Variants in ELFN1 observed in about 807,000 individuals in gnomAD.
ELFN1 encodes the protein protein ELFN1.
A neutral mutation model predicts 7.6 loss-of-function variants in ELFN1; 6 were observed. That is an observed-to-expected ratio of 0.79 (90% CI 0.43 to 1.56). The LOEUF (loss-of-function observed/expected upper bound fraction) is 1.56, where lower values mean the gene tolerates loss of function less well. Ranked by LOEUF, ELFN1 falls within the 40% of genes most tolerant of loss-of-function variation. The pLI, the probability that ELFN1 is intolerant of heterozygous loss-of-function variation, is 0.01. For missense variants in ELFN1, 1,169 were observed against 1,232.2 expected (o/e 0.95, Z 0.77); for synonymous variants, 657 against 588.1 (o/e 1.12, Z -1.70).
chr7:1,708,752 A>ACTGGGCC (rs1396283610), intron 2 of ELFN1, among the ~76,000 whole-genome samples: 5 of 151,940 alleles, frequency 3.3e-5, no homozygotes, highest in African/African-American at 7.3e-5. Flanking sequence ...CTTTACCCCA[A>ACTGGGCC]ACACCTGGGC....
intron 1 of ELFN1, among the ~76,000 whole-genome samples, chr7:1,679,915 C>T (rs1362966043): frequency 6.6e-6 from 1 of 152,244 alleles, no homozygotes; most frequent in Non-Finnish European, 1.5e-5. Flanking sequence ...AGATCACCAT[C>T]CTCGAGGAAA....
Position 1,747,085 on chromosome 7 carries a change from C to T in ELFN1, c.*2C>T. On this transcript the variant is annotated 3_prime_UTR_variant, in exon 4 of 4. Transcript: ENST00000424383. ...GTGTCGGCCCAGCACAAGTCCTGAG[C>T]CCCCCAAGACCGGCGATGCCCACTG... 6.8e-7 allele frequency: 1 copy of T among 1,472,688 alleles called. No individual in the cohort carries two copies. The allele number at this position is 1,472,688 out of a possible 1,614,324, so 91.2% of individuals were successfully genotyped here.
chr7:1,722,516 C>T (rs1388368649), intron 3 of ELFN1, among the ~76,000 whole-genome samples: 1 of 151,888 alleles, frequency 6.6e-6, no homozygotes, highest in Non-Finnish European at 1.5e-5. Context: ...TGATCCACCC[C>T]CCGCTCAGCC....
intron 1 of ELFN1, among the ~76,000 whole-genome samples, chr7:1,677,046 C>CA (rs1778885552): frequency 6.6e-6 from 1 of 152,208 alleles, no homozygotes; most frequent in Admixed American, 6.5e-5. Flanking sequence ...AGCGGAGAGA[C>CA]AGAGAGGATG....
intron 3 of ELFN1, among the ~76,000 whole-genome samples, chr7:1,721,100 C>G (rs147120512): frequency 1.3e-5 from 2 of 152,308 alleles, no homozygotes; most frequent in East Asian, 3.9e-4. Flanking sequence ...TGGATAAAAC[C>G]TGTCTGGCAT....
intron 3 of ELFN1, among the ~76,000 whole-genome samples, chr7:1,728,829 G>T (rs1780262625): frequency 6.6e-6 from 1 of 152,168 alleles, no homozygotes; most frequent in Non-Finnish European, 1.5e-5. Context: ...GGGAAGGGGA[G>T]TTTCACACCA....
chr7:1,737,963 T>G (rs1190565528), intron 3 of ELFN1, among the ~76,000 whole-genome samples: 1 of 152,148 alleles, frequency 6.6e-6, no homozygotes, highest in Admixed American at 6.5e-5. Flanking sequence ...GCCCTGCCTG[T>G]GGGAGGCAGA....
At chr7:1,703,761 A>G (rs1480768927) in intron 2 of ELFN1, among the ~76,000 whole-genome samples, 2 of 152,160 alleles carry the variant, frequency 1.3e-5, no homozygotes, top group Non-Finnish European at 2.9e-5. Context: ...CCTCTGCCTG[A>G]GTTTCAGTCC....
Position 1,724,703 on chromosome 7 carries a change from C to T in ELFN1, c.-294+15451C>T, listed in dbSNP as rs551785549. On this transcript the variant is annotated intron_variant, in intron 3 of 3. Coordinates refer to ENST00000424383, the MANE Select transcript of ELFN1 (RefSeq NM_001128636.4). Reference sequence around the variant, plus strand: ...TTGCCAGAGCCCGGGGCCCCATGAACGCGACTCCCCCCAGGGCCTGTCACA... The same window carrying T: ...TTGCCAGAGCCCGGGGCCCCATGAATGCGACTCCCCCCAGGGCCTGTCACA... 5.3e-5 allele frequency among the ~76,000 whole-genome samples: 8 copies of T among 151,706 alleles called. No individual in the cohort carries two copies. In the East Asian group the frequency reaches 1.5e-3, roughly 29 times the overall value.
intron 3 of ELFN1, among the ~76,000 whole-genome samples, chr7:1,733,276 G>A (rs1780361744): frequency 6.6e-6 from 1 of 152,186 alleles, no homozygotes; most frequent in Admixed American, 6.5e-5. Flanking sequence ...CCCGGGACAC[G>A]CAGTGCCCGA....
intron 2 of ELFN1, among the ~76,000 whole-genome samples, chr7:1,688,531 C>G (rs1302699742): frequency 6.6e-6 from 1 of 152,210 alleles, no homozygotes; most frequent in African/African-American, 2.4e-5. Context: ...GATCAAGTGT[C>G]AGTTCTTCCT....
rs752814083 is a variant in ELFN1, at chr7:1,746,022, G to C, written c.1426G>C (p.Glu476Gln). 8 of 1,544,438 alleles carry C rather than the reference G, an allele frequency of 5.2e-6. No homozygotes were observed. In the South Asian group the frequency reaches 9.6e-5, roughly 18 times the overall value. The change falls in exon 4 of 4, where the codon GAG (glutamate) becomes CAG (glutamine). Residue 476 changes from glutamate (E) to glutamine (Q), a missense_variant. Glu to Gln is a conservative substitution (Grantham distance 29). Around this residue, in one of 2 missense-constraint regions of ELFN1, gnomAD observed 914 missense variants for 872.6 expected, o/e 1.05. Coordinates refer to ENST00000424383, the MANE Select transcript of ELFN1 (RefSeq NM_001128636.4). ...IIELKYGPEL[E>Q]APGLAPLSQG... ...CGAGCTCAAGTACGGGCCAGAGCTG[G>C]AGGCGCCCGGCCTGGCCCCGCTGTC... is the stretch of plus-strand genomic sequence containing the variant.
intron 3 of ELFN1, among the ~76,000 whole-genome samples, chr7:1,720,782 CTTACTT>C (rs1779998396): frequency 6.9e-6 from 1 of 144,218 alleles, no homozygotes. Context: ...AGTGTAAGCT[CTTACTT>C]TTATTATGTA....
At chr7:1,734,020 A>C (rs1417509600) in intron 3 of ELFN1, among the ~76,000 whole-genome samples, 1 of 152,216 alleles carries the variant, frequency 6.6e-6, no homozygotes. Flanking sequence ...CCTGGAGGTC[A>C]GGGTACTACT....
At position 1,746,263 on chromosome 7, in the gene ELFN1, C is replaced by G. The variant is rs1439363867; in HGVS notation, c.1667C>G (p.Ser556Cys). ...AGCCAGAGTTCGGTGGCCGAGATCTCCACCATCGCCAAGGAGGTGGACAAG... is the reference window on the plus strand; with the variant it reads ...AGCCAGAGTTCGGTGGCCGAGATCTGCACCATCGCCAAGGAGGTGGACAAG... ...PDSQSSVAEI[S>C]TIAKEVDKVN... The change falls in exon 4 of 4, where the codon TCC becomes TGC. Residue 556 changes from serine to cysteine, a missense_variant. Ser to Cys is a moderately radical substitution (Grantham distance 112, BLOSUM62 -1). This residue lies in a region of ELFN1 where 914 missense variants were observed against 872.6 expected (regional missense o/e 1.05). Transcript: ENST00000424383. 6.8e-7 allele frequency: 1 copy of G among 1,471,314 alleles called. No homozygotes were observed. The highest frequency in any genetic ancestry group is 2.1e-5 in the Admixed American group (1 of 48,520). The allele number at this position is 1,471,314 out of a possible 1,614,324, so 91.1% of individuals were successfully genotyped here.
Position 1,684,443 on chromosome 7 carries a change from C to G in ELFN1, c.-548-3615C>G, listed in dbSNP as rs144147593. Among the ~76,000 whole-genome samples, 683 of 152,226 alleles carry G rather than the reference C, an allele frequency of 4.5e-3. 4 individuals carry two copies. Among genetic ancestry groups the G allele is most frequent in the Middle Eastern group, 0.014 (4 of 294 alleles). ...TGACAATCTCTGCTTTTTATTTGGT[C>G]TGTTTAGTCCATTCACACTTAATGC... On this transcript the variant is annotated intron_variant, in intron 1 of 3. Coordinates refer to ENST00000424383, the MANE Select transcript of ELFN1 (RefSeq NM_001128636.4).
At chr7:1,736,063 T>C (rs1156479290) in intron 3 of ELFN1, among the ~76,000 whole-genome samples, 1 of 152,072 alleles carries the variant, frequency 6.6e-6, no homozygotes, top group African/African-American at 2.4e-5. Flanking sequence ...CTGGGCCGGG[T>C]CACCGTGGCA....
intron 3 of ELFN1, among the ~76,000 whole-genome samples, chr7:1,713,850 C>T (rs548847351): frequency 1.6e-4 from 25 of 152,304 alleles, no homozygotes; most frequent in African/African-American, 5.5e-4. Context: ...CCGCACCCTG[C>T]GTGCCACTCC....
Position 1,747,014 on chromosome 7 carries a change from C to G in ELFN1, c.2418C>G (p.Phe806Leu). 2 of 1,563,314 alleles carry G rather than the reference C, an allele frequency of 1.3e-6. No homozygotes were observed. Among genetic ancestry groups the G allele is most frequent in the African/African-American group, 1.4e-5 (1 of 73,398 alleles). ...ATGCCCTGCGCAAGAAGGTTCAGTT[C>G]GCCAAAGACGAGGATCTGCACGACA... ...AGHALRKKVQFAKDEDLHDIL... is the reference protein window; with the variant it reads ...AGHALRKKVQLAKDEDLHDIL... The change falls in exon 4 of 4, where the codon TTC becomes TTG. Residue 806 changes from phenylalanine to leucine, a missense_variant. This residue lies in a region of ELFN1 where 914 missense variants were observed against 872.6 expected (regional missense o/e 1.05). Transcript: ENST00000424383.
Sources: allele counts gnomAD v4.1 joint callset (sites outside exome capture counted in the v4.1 genomes callset), GRCh38; gene constraint gnomAD v4.1.1; regional missense constraint gnomAD v4.1.1; transcripts MANE v1.5; gene names NCBI Gene and HGNC (gene_info 2026-07-23, HGNC 2026-07-21).